TTC7B: variants seen among roughly 807,000 people sequenced by gnomAD.
TTC7B encodes tetratricopeptide repeat domain 7B, also known as tetratricopeptide repeat protein 7B.
A neutral mutation model predicts 106.8 loss-of-function variants in TTC7B; 28 were observed. That is an observed-to-expected ratio of 0.26 (90% CI 0.19 to 0.36). The LOEUF (loss-of-function observed/expected upper bound fraction) is 0.36. Among genes scored for constraint, TTC7B ranks in the 10% least tolerant of loss-of-function variants. TTC7B has a pLI of 1.00. For missense variants in TTC7B, 862 were observed against 1,076.4 expected (o/e 0.80, Z 2.79); for synonymous variants, 405 against 430.6 (o/e 0.94, Z 0.74).
At chr14:90,548,252 C>T (rs1889920983) in intron 19 of TTC7B, among the ~76,000 whole-genome samples, 1 of 152,182 alleles carries the variant, frequency 6.6e-6, no homozygotes, top group Non-Finnish European at 1.5e-5. Context: ...CACTCCAGGG[C>T]CACTGATGGG....
rs1890423193 is a variant in TTC7B at position 90,759,308 on chromosome 14, C to T, written c.446-14386G>A. Among the ~76,000 whole-genome samples the T allele has an allele frequency of 6.6e-6, 1 of 151,976 alleles. No individual in the cohort carries two copies. Among genetic ancestry groups the T allele is most frequent in the African/African-American group, 2.4e-5 (1 of 41,372 alleles). On this transcript the variant is annotated intron_variant, in intron 3 of 19. Transcript: ENST00000328459. The surrounding 1 kb of genome is among the most constrained non-coding windows in gnomAD (Gnocchi z 4.1). Reference sequence around the variant, plus strand: ...CGAACATTTGGGAGAAGAAAATGAACACCAGACATGGTTTGGAAACGATGG... The same window carrying T: ...CGAACATTTGGGAGAAGAAAATGAATACCAGACATGGTTTGGAAACGATGG...
intron 15 of TTC7B, among the ~76,000 whole-genome samples, chr14:90,627,494 G>A (rs1245388679): frequency 6.6e-6 from 1 of 152,184 alleles, no homozygotes; most frequent in Non-Finnish European, 1.5e-5. Context: ...AAGTTTCTCA[G>A]GGCCAAAGTA....
chr14:90,694,728 T>G (rs1308448648), intron 6 of TTC7B, among the ~76,000 whole-genome samples: 1 of 141,756 alleles, frequency 7.1e-6, no homozygotes. Context: ...ATAGGTATAT[T>G]TTATATACAT....
chr14:90,766,007 C>A (rs1011491175), intron 3 of TTC7B, among the ~76,000 whole-genome samples: 1 of 152,112 alleles, frequency 6.6e-6, no homozygotes, highest in African/African-American at 2.4e-5. Flanking sequence ...TCAAAGGCAA[C>A]TACATACATG....
chr14:90,553,200 T>C (rs916928749), intron 19 of TTC7B, among the ~76,000 whole-genome samples: 2 of 152,196 alleles, frequency 1.3e-5, no homozygotes, highest in African/African-American at 4.8e-5. Context: ...GCAGCACCTC[T>C]GCTCACCCGG....
rs1262348637 is a variant in TTC7B at position 90,528,751 on chromosome 14, G to A, written c.*12617C>T. ...GTTTCTGATGGTTGTTTCTGATGGT[G>A]TGACCCGACTGTGTTTTGTTACCTG... is the stretch of plus-strand genomic sequence containing the variant. On this transcript the variant is annotated 3_prime_UTR_variant, in exon 20 of 20. Transcript: ENST00000328459. 1.3e-5 allele frequency: 2 copies of A among 152,252 alleles called. No individual in the cohort carries two copies. The highest frequency in any genetic ancestry group is 2.9e-5 in the Non-Finnish European group (2 of 68,758). The allele number at this position is 152,252 out of a possible 1,614,324, so 9.4% of individuals were successfully genotyped here. A position where few individuals can be genotyped will look rare whatever the true frequency, so the allele number is the denominator to read the frequency against.
intron 1 of TTC7B, among the ~76,000 whole-genome samples, chr14:90,811,142 T>C (rs1038208768): frequency 1.3e-5 from 2 of 152,196 alleles, no homozygotes; most frequent in African/African-American, 4.8e-5. Flanking sequence ...CATCAATCAG[T>C]CACTGTCAAA....
intron 5 of TTC7B, among the ~76,000 whole-genome samples, chr14:90,699,598 G>T (rs566960978): frequency 6.6e-6 from 1 of 152,210 alleles, no homozygotes; most frequent in Non-Finnish European, 1.5e-5. Context: ...AGGCCTGCTA[G>T]AGTCTATTCA....
chr14:90,554,344 G>C (rs984245990), intron 19 of TTC7B, among the ~76,000 whole-genome samples: 68 of 152,226 alleles, frequency 4.5e-4, no homozygotes, highest in African/African-American at 1.5e-3. Flanking sequence ...TATTTGACAG[G>C]AGGGCAAACA....
chr14:90,659,213 T>TGTGTGTGTG (rs1566822930), intron 9 of TTC7B, among the ~76,000 whole-genome samples: 131 of 146,710 alleles, frequency 8.9e-4, no homozygotes, highest in African/African-American at 3.0e-3. Flanking sequence ...ACGAGTGTGA[T>TGTGTGTGTG]TGTGTGTGTG....
intron 18 of TTC7B, among the ~76,000 whole-genome samples, chr14:90,586,245 G>T (rs1891708919): frequency 6.6e-6 from 1 of 152,174 alleles, no homozygotes; most frequent in South Asian, 2.1e-4. Flanking sequence ...CCCTTCAGAT[G>T]CTGTGGCTCT....
At chr14:90,603,417 G>A in intron 17 of TTC7B, 1 of 619,510 alleles carries the variant, frequency 1.6e-6, no homozygotes, top group Non-Finnish European at 2.5e-6. Context: ...CTGTAAGTCT[G>A]GCTGTCTAGA....
Position 90,577,683 on chromosome 14 carries a change from C to T in TTC7B, c.2310+423G>A, listed in dbSNP as rs1051365119. ...AGGCTCCCTTAAGGCAAGAGAGTCT[C>T]CCAGTTTGTAAAGTGTTCTGACTGT... On this transcript the variant is annotated intron_variant, in intron 19 of 19. Coordinates refer to ENST00000328459, the MANE Select transcript of TTC7B (RefSeq NM_001010854.2). The surrounding 1 kb of genome is among the most constrained non-coding windows in gnomAD (Gnocchi z 5.0). Among the ~76,000 whole-genome samples the T allele has an allele frequency of 2.6e-5, 4 of 152,174 alleles. No individual in the cohort carries two copies. The highest frequency in any genetic ancestry group is 9.7e-5 in the African/African-American group (4 of 41,440).
intron 19 of TTC7B, among the ~76,000 whole-genome samples, chr14:90,551,653 G>C (rs1566764971): frequency 6.6e-6 from 1 of 152,200 alleles, no homozygotes; most frequent in African/African-American, 2.4e-5. Context: ...AATATAAATA[G>C]ACTGCAAACC....
At chr14:90,705,755 G>A (rs184312665) in intron 5 of TTC7B, among the ~76,000 whole-genome samples, 183 of 152,088 alleles carry the variant, frequency 1.2e-3, no homozygotes, top group African/African-American at 3.1e-3. Flanking sequence ...TGTTCCTCAC[G>A]TAGGCATCCC....
Position 90,600,818 on chromosome 14 carries a change from C to T in TTC7B, c.1967-7192G>A, listed in dbSNP as rs1892394117. Among the ~76,000 whole-genome samples the T allele has an allele frequency of 6.6e-6, 1 of 152,204 alleles. No individual in the cohort carries two copies. The highest frequency in any genetic ancestry group is 1.5e-5 in the Non-Finnish European group (1 of 68,028). On this transcript the variant is annotated intron_variant, in intron 17 of 19. Coordinates refer to ENST00000328459, the MANE Select transcript of TTC7B (RefSeq NM_001010854.2). The surrounding 1 kb of genome is among the most constrained non-coding windows in gnomAD (Gnocchi z 4.3). ...TCAGAGCGAGCCGCTGCCGGTGGCT[C>T]TGCGCTAGAGACAGTACCTTCTGGA...
At chr14:90,541,932 T>A (rs1889610702) in intron 19 of TTC7B, among the ~76,000 whole-genome samples, 1 of 152,148 alleles carries the variant, frequency 6.6e-6, no homozygotes, top group African/African-American at 2.4e-5. Flanking sequence ...GGGACTATCA[T>A]CCTTTTCTGT....
At chr14:90,764,829 T>G (rs1208592824) in intron 3 of TTC7B, among the ~76,000 whole-genome samples, 1 of 152,198 alleles carries the variant, frequency 6.6e-6, no homozygotes, top group Admixed American at 6.5e-5. Flanking sequence ...GATGAGGATG[T>G]GAAGAAATTA....
At chr14:90,629,494 G>A (rs8010410) in intron 15 of TTC7B, among the ~76,000 whole-genome samples, 31,567 of 152,112 alleles carry the variant, frequency 0.21, 4,030 homozygotes, top group Admixed American at 0.28. Flanking sequence ...AGCTATGAAC[G>A]AAGAGCTACC....
Sources: gnomAD v4.1 joint callset for allele counts (sites outside exome capture counted in the v4.1 genomes callset) on GRCh38, gnomAD v4.1.1 for gene constraint, Gnocchi (gnomAD v3.1) non-coding constraint, MANE v1.5 for transcripts, NCBI Gene and HGNC (gene_info 2026-07-23, HGNC 2026-07-21) for gene names.